Variants in ARMH3 observed in about 807,000 individuals in gnomAD.
ARMH3 encodes the protein armadillo-like helical domain-containing protein 3.
ARMH3 carries 60 observed loss-of-function variants against 99.1 expected under a neutral mutation model. The ratio of observed to expected loss-of-function variants is 0.61; its 90% CI spans 0.49 to 0.75. The LOEUF (loss-of-function observed/expected upper bound fraction) is 0.75, where lower values mean the gene tolerates loss of function less well. Among genes scored for constraint, ARMH3 ranks in the 30% least tolerant of loss-of-function variants. The probability of loss-of-function intolerance (pLI) is 0.00; values close to 1 mark genes in which losing one functional copy is unlikely to be tolerated. For synonymous variants in ARMH3, 285 were observed against 292.8 expected (o/e 0.97, Z 0.27); for missense variants, 679 against 843.1 (o/e 0.81, Z 2.41).
chr10:101,964,066 T>C (rs1402519427), intron 20 of ARMH3, among the ~76,000 whole-genome samples: 1 of 152,010 alleles, frequency 6.6e-6, no homozygotes, highest in Non-Finnish European at 1.5e-5. Context: ...TTAATAGAGA[T>C]GGGGTTTCAC....
intron 24 of ARMH3, among the ~76,000 whole-genome samples, chr10:101,881,291 T>C (rs554074442): frequency 2.7e-4 from 41 of 152,258 alleles, no homozygotes; most frequent in African/African-American, 9.2e-4. Context: ...AGAAAATTTC[T>C]AAATTTATAT....
intron 24 of ARMH3, among the ~76,000 whole-genome samples, chr10:101,859,417 GGGCAA>G (rs2066811890): frequency 6.6e-6 from 1 of 152,166 alleles, no homozygotes; most frequent in African/African-American, 2.4e-5. Context: ...GACTCCATCA[GGGCAA>G]TCACCTGAAA....
chr10:101,991,978 C>T lies in ARMH3; in HGVS notation c.1336G>A (p.Ala446Thr), dbSNP rs370586918. The change falls in exon 18 of 26, where the codon GCA becomes ACA. Residue 446 changes from alanine (A) to threonine (T), a missense_variant. Transcript: ENST00000370033. ...KNLPCRPLVCAVLDLMVEFIV... is the reference protein window; with the variant it reads ...KNLPCRPLVCTVLDLMVEFIV... Reference sequence around the variant, plus strand: ...GATGATACTCACTCACCCAGTACTGCACATACTAAAGGACGGCAGGGAAGA... The same window carrying T: ...GATGATACTCACTCACCCAGTACTGTACATACTAAAGGACGGCAGGGAAGA... 1.9e-6 allele frequency: 3 copies of T among 1,613,712 alleles called. No homozygotes were observed. The African/African-American group carries it at 4.0e-5, about 22-fold the overall frequency.
chr10:101,877,707 C>T (rs1304100379), intron 24 of ARMH3, among the ~76,000 whole-genome samples: 1 of 152,008 alleles, frequency 6.6e-6, no homozygotes, highest in Non-Finnish European at 1.5e-5. Context: ...ATTCCTACTA[C>T]CTCCATCACT....
chr10:102,014,245 C>CA (rs1260358068), intron 8 of ARMH3, among the ~76,000 whole-genome samples: 8 of 152,184 alleles, frequency 5.3e-5, no homozygotes, highest in African/African-American at 1.9e-4. Flanking sequence ...AATACACATA[C>CA]ACACCTCAGT....
At position 102,029,602 on chromosome 10, in the gene ARMH3, T is replaced by C. The variant is rs1412908745; in HGVS notation, c.414+36A>G. On this transcript the variant is annotated intron_variant, in intron 5 of 25. Coordinates refer to ENST00000370033, the MANE Select transcript of ARMH3 (RefSeq NM_024541.3). ...GTGTCCAGGAACAGCTGTCAGAAGC[T>C]GCCATCCACAGGCACATCTGCAGCT... 5.6e-6 allele frequency: 9 copies of C among 1,614,118 alleles called. No individual in the cohort carries two copies. The African/African-American group carries it at 9.3e-5, about 17-fold the overall frequency.
chr10:101,880,994 T>C (rs1055439575), intron 24 of ARMH3, among the ~76,000 whole-genome samples: 5 of 152,230 alleles, frequency 3.3e-5, no homozygotes, highest in African/African-American at 1.2e-4. Flanking sequence ...AGATTACCAA[T>C]AGATGGAAAT....
At chr10:101,991,516 G>C (rs770050592) in intron 18 of ARMH3, among the ~76,000 whole-genome samples, 5 of 152,280 alleles carry the variant, frequency 3.3e-5, no homozygotes, top group Non-Finnish European at 7.4e-5. Flanking sequence ...GAGTAGCTGG[G>C]ATTACAGGCG....
At chr10:101,891,287 C>T (rs2067685328) in intron 23 of ARMH3, among the ~76,000 whole-genome samples, 1 of 152,062 alleles carries the variant, frequency 6.6e-6, no homozygotes, top group South Asian at 2.1e-4. Context: ...CCTCCACCTT[C>T]CGGGTTTAAG....
At chr10:102,022,441 A>G (rs2066906625) in intron 8 of ARMH3, among the ~76,000 whole-genome samples, 1 of 145,992 alleles carries the variant, frequency 6.8e-6, no homozygotes, top group African/African-American at 2.5e-5. Context: ...GCAGTGAGCC[A>G]AGATCGCACC....
chr10:101,916,279 T>G (rs1843083551), intron 23 of ARMH3, among the ~76,000 whole-genome samples: 1 of 152,142 alleles, frequency 6.6e-6, no homozygotes, highest in Non-Finnish European at 1.5e-5. Flanking sequence ...TAATTGTGCT[T>G]TCCTTCTCAA....
At chr10:101,967,945 A>G (rs932061979) in intron 20 of ARMH3, among the ~76,000 whole-genome samples, 2 of 152,166 alleles carry the variant, frequency 1.3e-5, no homozygotes, top group Admixed American at 6.5e-5. Context: ...AAGGCTCCAC[A>G]TTCCTCTAAA....
At chr10:101,984,706 G>T (rs1457056533) in intron 19 of ARMH3, among the ~76,000 whole-genome samples, 2 of 151,946 alleles carry the variant, frequency 1.3e-5, no homozygotes, top group Non-Finnish European at 2.9e-5. Context: ...TAGCCTTGTG[G>T]TTTCAATAAT....
chr10:101,959,904 G>A (rs1053297525), intron 20 of ARMH3, among the ~76,000 whole-genome samples: 11 of 152,198 alleles, frequency 7.2e-5, no homozygotes, highest in Non-Finnish European at 1.3e-4. Context: ...GGGGCTGGGC[G>A]CAGTGGCTCA....
chr10:101,980,473 A>AT (rs1458536237), intron 19 of ARMH3, among the ~76,000 whole-genome samples: 1 of 151,966 alleles, frequency 6.6e-6, no homozygotes, highest in East Asian at 1.9e-4. Context: ...TGATTTTTAT[A>AT]TTTTTAGTAG....
Position 102,023,765 on chromosome 10 carries a change from G to C in ARMH3, c.508-16C>G, listed in dbSNP as rs1255324338. On this transcript the variant is annotated splice_polypyrimidine_tract_variant and intron_variant, in intron 6 of 25. Transcript: ENST00000370033. ...TATCTGTCACCTGAATGTAATAAAA[G>C]GCTTTTTAAAGTCTGTTCTGAGGTA... The C allele has an allele frequency of 1.2e-6, 2 of 1,611,166 alleles. No individual in the cohort carries two copies. Among genetic ancestry groups the C allele is most frequent in the Admixed American group, 1.7e-5 (1 of 59,998 alleles).
intron 24 of ARMH3, among the ~76,000 whole-genome samples, chr10:101,873,943 A>C (rs1220717757): frequency 1.3e-5 from 2 of 152,188 alleles, no homozygotes; most frequent in African/African-American, 4.8e-5. Flanking sequence ...ACCGCTATGA[A>C]CATCTGTGTA....
chr10:101,992,136 A>G (rs962880458), intron 17 of ARMH3, 98 bp from the exon 18 acceptor site: 4 of 986,914 alleles, frequency 4.1e-6, no homozygotes, highest in Non-Finnish European at 6.5e-6. Context: ...AATCACTATT[A>G]CAGGGATACT....
intron 1 of ARMH3, 43 bp downstream of exon 1, chr10:102,056,042 G>C (rs926538515): frequency 2.6e-5 from 4 of 152,282 alleles, no homozygotes; most frequent in African/African-American, 7.2e-5. Context: ...CGCAGGGTTG[G>C]TCAGGTTCGA....
Sources: gnomAD v4.1 joint callset for allele counts (sites outside exome capture counted in the v4.1 genomes callset) on GRCh38, gnomAD v4.1.1 for gene constraint, MANE v1.5 for transcripts, NCBI Gene and HGNC (gene_info 2026-07-23, HGNC 2026-07-21) for gene names.